The following KDM2A variants were observed in gnomAD, a reference collection of about 807,000 sequenced individuals.
KDM2A encodes lysine demethylase 2A, also known as lysine-specific demethylase 2A.
In KDM2A, 3 loss-of-function variants were observed where a neutral mutation model predicts 137.3. The ratio of observed to expected loss-of-function variants is 0.02; its 90% CI spans 0.01 to 0.06. KDM2A has a LOEUF of 0.06. Ranked by LOEUF, KDM2A falls within the 10% of genes least tolerant of loss-of-function variation. The probability of loss-of-function intolerance (pLI) is 1.00; values close to 1 mark genes in which losing one functional copy is unlikely to be tolerated. For missense variants in KDM2A, 738 were observed against 1,510.6 expected (o/e 0.49, Z 8.48); for synonymous variants, 512 against 541.5 (o/e 0.95, Z 0.76).
At chr11:67,139,584 G>T (rs901969755) in intron 2 of KDM2A, among the ~76,000 whole-genome samples, 2 of 152,010 alleles carry the variant, frequency 1.3e-5, no homozygotes, top group East Asian at 3.9e-4. Flanking sequence ...TACGTTGGTT[G>T]CCCAGGCTGG....
chr11:67,128,765 G>C (rs1037477770), intron 2 of KDM2A, among the ~76,000 whole-genome samples: 4 of 152,328 alleles, frequency 2.6e-5, no homozygotes, highest in Middle Eastern at 3.4e-3. Flanking sequence ...AGCTTCTTGA[G>C]AGTTGGGGCT....
chr11:67,223,848 G>GT (rs1858447241), intron 10 of KDM2A, among the ~76,000 whole-genome samples: 1 of 152,140 alleles, frequency 6.6e-6, no homozygotes, highest in African/African-American at 2.4e-5. Context: ...ATGGAGAGGC[G>GT]TAGTGTATTA....
intron 2 of KDM2A, among the ~76,000 whole-genome samples, chr11:67,128,178 T>G (rs1855774574): frequency 6.6e-6 from 1 of 151,932 alleles, no homozygotes; most frequent in Non-Finnish European, 1.5e-5. Context: ...TATTTTTAAA[T>G]TCTTTCTAGA....
chr11:67,135,256 A>G (rs1275117357), intron 2 of KDM2A, among the ~76,000 whole-genome samples: 2 of 151,962 alleles, frequency 1.3e-5, no homozygotes, highest in Non-Finnish European at 2.9e-5. Context: ...TTAGTAGAGA[A>G]AAAGTTTCAG....
chr11:67,146,256 G>A (rs542224329), intron 2 of KDM2A, among the ~76,000 whole-genome samples: 2 of 151,870 alleles, frequency 1.3e-5, no homozygotes, highest in African/African-American at 4.8e-5. Context: ...GCCTCCCAAA[G>A]TGCTGGGATT....
Position 67,255,009 on chromosome 11 carries a change from G to A in KDM2A, c.3443G>A (p.Ser1148Asn), listed in dbSNP as rs776791018. The change falls in exon 21 of 21, where the codon AGC becomes AAC. Residue 1148 changes from serine (S) to asparagine (N), a missense_variant. Physicochemically the swap from Ser to Asn is conservative, Grantham distance 46. Coordinates refer to ENST00000529006, the MANE Select transcript of KDM2A (RefSeq NM_012308.3). ...EHFISDLSINSLYCLSDEKLI... is the reference protein window; with the variant it reads ...EHFISDLSINNLYCLSDEKLI... Reference sequence around the variant, plus strand: ...TTCATCTCAGACTTGTCCATCAACAGCCTCTACTGCCTGTCTGACGAGAAG... The same window carrying A: ...TTCATCTCAGACTTGTCCATCAACAACCTCTACTGCCTGTCTGACGAGAAG... The A allele has an allele frequency of 1.2e-6, 2 of 1,613,118 alleles. No homozygotes were observed. Among genetic ancestry groups the A allele is most frequent in the African/African-American group, 2.7e-5 (2 of 74,890 alleles).
chr11:67,193,704 T>TA (rs1857410653), intron 5 of KDM2A, among the ~76,000 whole-genome samples: 2 of 151,922 alleles, frequency 1.3e-5, no homozygotes, highest in South Asian at 4.2e-4. Flanking sequence ...CTACTAAAAA[T>TA]ACAAAAATTA....
Position 67,139,549 on chromosome 11 carries a change from T to C in KDM2A, c.42+18191T>C, listed in dbSNP as rs1199997266. Among the ~76,000 whole-genome samples the C allele has an allele frequency of 5.9e-5, 9 of 151,570 alleles. 1 individual carries two copies. Among genetic ancestry groups the C allele is most frequent in the Admixed American group, 5.9e-4 (9 of 15,200 alleles). ...CGTGAGCCACTGCACCCAGCCTCTT[T>C]TTGTTTTTTAGAGATGGATCTGTCT... On this transcript the variant is annotated intron_variant, in intron 2 of 20. Coordinates refer to ENST00000529006, the MANE Select transcript of KDM2A (RefSeq NM_012308.3).
chr11:67,230,633 A>G lies in KDM2A; in HGVS notation c.1085-933A>G, dbSNP rs527877259. 1.2e-4 allele frequency among the ~76,000 whole-genome samples: 19 copies of G among 152,134 alleles called. No homozygotes were observed. In the East Asian group the frequency reaches 3.7e-3, roughly 29 times the overall value. On this transcript the variant is annotated intron_variant, in intron 11 of 20. Coordinates refer to ENST00000529006, the MANE Select transcript of KDM2A (RefSeq NM_012308.3). ...AGAGTGAGAACCTGTCTCAAAACAA[A>G]CAAACCACAACATAAAAAAAAAAAA...
At chr11:67,175,568 C>A (rs566983621) in intron 2 of KDM2A, among the ~76,000 whole-genome samples, 1 of 152,170 alleles carries the variant, frequency 6.6e-6, no homozygotes, top group Non-Finnish European at 1.5e-5. Context: ...GAGACAGAAG[C>A]CTTCCTTGTA....
chr11:67,154,822 A>G (rs1248290719), intron 2 of KDM2A, among the ~76,000 whole-genome samples: 3 of 152,140 alleles, frequency 2.0e-5, no homozygotes, highest in Admixed American at 6.6e-5. Flanking sequence ...TTCGAGGTTC[A>G]TCTGTGTTTT....
intron 12 of KDM2A, among the ~76,000 whole-genome samples, chr11:67,233,733 A>G (rs933759618): frequency 6.6e-6 from 1 of 150,486 alleles, no homozygotes; most frequent in African/African-American, 2.4e-5. Flanking sequence ...GGGTGGTACA[A>G]TGGTATACCA....
At chr11:67,224,296 T>G (rs556915544) in intron 10 of KDM2A, among the ~76,000 whole-genome samples, 5 of 152,114 alleles carry the variant, frequency 3.3e-5, no homozygotes, top group Non-Finnish European at 5.9e-5. Context: ...CCTTTTGAAA[T>G]ATGGCCTCTC....
intron 6 of KDM2A, among the ~76,000 whole-genome samples, chr11:67,213,798 C>T (rs569331151): frequency 4.0e-5 from 6 of 149,534 alleles, no homozygotes; most frequent in Non-Finnish European, 8.9e-5. Flanking sequence ...CACATTATTT[C>T]AGATTTTAAA....
intron 17 of KDM2A, among the ~76,000 whole-genome samples, chr11:67,251,799 C>A (rs1474959832): frequency 6.6e-6 from 1 of 152,184 alleles, no homozygotes; most frequent in Non-Finnish European, 1.5e-5. Flanking sequence ...TCTAAATAGA[C>A]CCTATTCTTT....
chr11:67,255,666 C>G lies in KDM2A; in HGVS notation c.*611C>G, dbSNP rs1250602466. On this transcript the variant is annotated 3_prime_UTR_variant, in exon 21 of 21. Coordinates refer to ENST00000529006, the MANE Select transcript of KDM2A (RefSeq NM_012308.3). Reference sequence around the variant, plus strand: ...CTCCCTTGAGCTTGGTTCTGCCCAGCACTCGTGCTTGTTCACATAATTAGG... The same window carrying G: ...CTCCCTTGAGCTTGGTTCTGCCCAGGACTCGTGCTTGTTCACATAATTAGG... The G allele has an allele frequency of 6.9e-6, 3 of 434,074 alleles. No individual in the cohort carries two copies. The highest frequency in any genetic ancestry group is 1.4e-4 in the East Asian group (2 of 14,096). The allele number at this position is 434,074 out of a possible 1,614,324, so 26.9% of individuals were successfully genotyped here. A position where few individuals can be genotyped will look rare whatever the true frequency, so the allele number is the denominator to read the frequency against.
chr11:67,155,937 TAAAAAAAA>T (rs770113717), intron 2 of KDM2A, among the ~76,000 whole-genome samples: 5 of 104,264 alleles, frequency 4.8e-5, no homozygotes, highest in African/African-American at 1.1e-4. Context: ...TTTAAACGGC[TAAAAAAAA>T]AAAAAAAAAA....
chr11:67,242,926 G>C, intron 12 of KDM2A, 83 bp from the exon 13 acceptor site: 1 of 1,033,934 alleles, frequency 9.7e-7, no homozygotes, highest in Non-Finnish European at 1.5e-6. Flanking sequence ...AGGGTACTGA[G>C]GCAGAGTCTG....
Position 67,248,305 on chromosome 11 carries a change from G to A in KDM2A, c.1990G>A (p.Glu664Lys), listed in dbSNP as rs1859310302. ...GATGGACGGAGAGGGGTTGCTTAAC[G>A]AAGAATTGCCAAATTGCTGGGAATG... ...LQMDGEGLLN[E>K]ELPNCWECPK... Residue 664 changes from glutamate (E) to lysine (K), a missense_variant, in exon 16 of 21, where the codon GAA becomes AAA. Around this residue, in one of 9 missense-constraint regions of KDM2A, gnomAD observed 20 missense variants for 62.3 expected, o/e 0.32. Transcript: ENST00000529006. The A allele has an allele frequency of 3.7e-6, 6 of 1,608,594 alleles. No homozygotes were observed. The highest frequency in any genetic ancestry group is 1.1e-5 in the South Asian group (1 of 89,528).
Sources: gnomAD v4.1 joint callset for allele counts (sites outside exome capture counted in the v4.1 genomes callset) on GRCh38, gnomAD v4.1.1 for gene constraint, gnomAD v4.1.1 regional missense constraint, MANE v1.5 for transcripts, NCBI Gene and HGNC (gene_info 2026-07-23, HGNC 2026-07-21) for gene names.